Variants in KCNAB2 observed in about 807,000 individuals in gnomAD.
KCNAB2 encodes the protein potassium voltage-gated channel subfamily A regulatory beta subunit 2.
In KCNAB2, 29 loss-of-function variants were observed where a neutral mutation model predicts 63.6. The ratio of observed to expected loss-of-function variants is 0.46; its 90% CI spans 0.34 to 0.62. KCNAB2 has a LOEUF of 0.62. KCNAB2 is among the 20% of genes least tolerant of loss of function. The pLI, the probability that KCNAB2 is intolerant of heterozygous loss-of-function variation, is 0.01. For missense variants in KCNAB2, 359 were observed against 563.9 expected (o/e 0.64, Z 3.68); for synonymous variants, 222 against 224.2 (o/e 0.99, Z 0.09).
At chr1:6,021,232 A>C (rs1275918881) in intron 1 of KCNAB2, among the ~76,000 whole-genome samples, 1 of 152,124 alleles carries the variant, frequency 6.6e-6, no homozygotes, top group Non-Finnish European at 1.5e-5. Context: ...TCCTGGGCTC[A>C]AGCGATCCAC....
rs146167160 is a variant in KCNAB2 at position 6,084,621 on chromosome 1, G to A, written c.381-583G>A. 3.9e-5 allele frequency among the ~76,000 whole-genome samples: 6 copies of A among 152,280 alleles called. 1 individual carries two copies. In the South Asian group the frequency reaches 6.2e-4, roughly 16 times the overall value. On this transcript the variant is annotated intron_variant, in intron 5 of 15. Transcript: ENST00000378083. ...ACTCGAGATGAGGAGTTCGAGACCA[G>A]CCTGGCCAACATAGTGAAACCCCGT...
In KCNAB2 at chr1:6,099,842, G is replaced by A. The variant is rs1665912852; in HGVS notation, c.*1268G>A. On this transcript the variant is annotated 3_prime_UTR_variant, in exon 16 of 16. Coordinates refer to ENST00000378083, the MANE Select transcript of KCNAB2 (RefSeq NM_001199862.2). Reference sequence around the variant, plus strand: ...GGCTGGGCAGAGGGGAGAGAGGGCAGGACAGGCCAGAGTGACGCCCCCGTG... The same window carrying A: ...GGCTGGGCAGAGGGGAGAGAGGGCAAGACAGGCCAGAGTGACGCCCCCGTG... 6.5e-7 allele frequency: 1 copy of A among 1,544,994 alleles called. No individual in the cohort carries two copies. Among genetic ancestry groups the A allele is most frequent in the Non-Finnish European group, 8.7e-7 (1 of 1,144,096 alleles).
At chr1:6,083,932 C>T (rs1174292567) in intron 5 of KCNAB2, among the ~76,000 whole-genome samples, 2 of 152,246 alleles carry the variant, frequency 1.3e-5, no homozygotes, top group Admixed American at 6.5e-5. Flanking sequence ...TGCTCCTCTG[C>T]CCCAGAGATC....
At chr1:6,005,961 T>C (rs1336587933) in intron 1 of KCNAB2, among the ~76,000 whole-genome samples, 259 of 16,178 alleles carry the variant, frequency 0.016, 35 homozygotes, top group East Asian at 0.033. Context: ...AGCTCCTACA[T>C]TTCCCACTCC....
chr1:6,076,029 A>C (rs976612475), intron 4 of KCNAB2, among the ~76,000 whole-genome samples: 5 of 152,260 alleles, frequency 3.3e-5, no homozygotes, highest in African/African-American at 9.6e-5. Flanking sequence ...AGAGCTGAGT[A>C]ATTGCAACAG....
At chr1:6,001,328 ACACT>A (rs1204047130) in intron 1 of KCNAB2, among the ~76,000 whole-genome samples, 15 of 140,592 alleles carry the variant, frequency 1.1e-4, no homozygotes, top group Non-Finnish European at 1.7e-4. Flanking sequence ...ACACACACAC[ACACT>A]CTCCCAACAC....
intron 10 of KCNAB2, among the ~76,000 whole-genome samples, chr1:6,091,517 C>T (rs12743473): frequency 0.046 from 6,939 of 151,934 alleles, 225 homozygotes; most frequent in Middle Eastern, 0.095. Context: ...CCCATCCCCT[C>T]GTTCCTCCTT....
chr1:6,027,993 C>T (rs1455043039), intron 1 of KCNAB2, among the ~76,000 whole-genome samples: 3 of 152,222 alleles, frequency 2.0e-5, no homozygotes, highest in Admixed American at 2.0e-4. Context: ...ATGGAGCTGT[C>T]GGGGAACTGG....
intron 5 of KCNAB2, among the ~76,000 whole-genome samples, chr1:6,084,675 G>A (rs3789532): frequency 0.51 from 77,219 of 151,786 alleles, 20,319 homozygotes; most frequent in East Asian, 0.64. Context: ...AATTAGCCGG[G>A]CGTGGTGGCA....
chr1:6,045,222 G>A (rs1660817174), upstream of KCNAB2, among the ~76,000 whole-genome samples: 1 of 152,152 alleles, frequency 6.6e-6, no homozygotes, highest in African/African-American at 2.4e-5. This position sits in a 1 kb window ranked among gnomAD's most constrained non-coding sequence, Gnocchi z 4.8. Flanking sequence ...ATTCATCATG[G>A]GGGGACGGTT....
chr1:6,001,489 G>T (rs1046227187), intron 1 of KCNAB2, among the ~76,000 whole-genome samples: 5 of 152,148 alleles, frequency 3.3e-5, no homozygotes, highest in African/African-American at 1.2e-4. Context: ...TGATAATCAT[G>T]ATCACCGGTT....
At chr1:6,061,226 A>T (rs1662287835) in intron 2 of KCNAB2, among the ~76,000 whole-genome samples, 1 of 152,246 alleles carries the variant, frequency 6.6e-6, no homozygotes, top group South Asian at 2.1e-4. Context: ...TCTTATCAAC[A>T]GCAGGTACCG....
chr1:6,057,939 C>T (rs1318978350), intron 2 of KCNAB2, among the ~76,000 whole-genome samples: 1 of 152,114 alleles, frequency 6.6e-6, no homozygotes, highest in African/African-American at 2.4e-5. Flanking sequence ...TCACTTGAGT[C>T]CAGGGGTTCA....
intron 1 of KCNAB2, among the ~76,000 whole-genome samples, chr1:6,010,099 A>G (rs1365961776): frequency 6.7e-6 from 1 of 149,760 alleles, no homozygotes; most frequent in Non-Finnish European, 1.5e-5. Context: ...CTGGTCTCAA[A>G]CTCCTGGCCC....
intron 2 of KCNAB2, among the ~76,000 whole-genome samples, chr1:6,056,296 C>T (rs531238482): frequency 6.6e-6 from 1 of 152,244 alleles, no homozygotes; most frequent in South Asian, 2.1e-4. Flanking sequence ...CCACTCGCCT[C>T]GGCCTCCCAA....
chr1:6,084,281 C>T (rs1227150305), intron 5 of KCNAB2, among the ~76,000 whole-genome samples: 2 of 152,202 alleles, frequency 1.3e-5, no homozygotes, highest in South Asian at 2.1e-4. Context: ...CCCCAGCTGG[C>T]CTGGGTTTGG....
intron 9 of KCNAB2, 79 bp from the exon 10 acceptor site, chr1:6,091,184 C>A (rs945903406): frequency 2.9e-6 from 3 of 1,040,094 alleles, no homozygotes; most frequent in Non-Finnish European, 4.3e-6. Flanking sequence ...TGCCTCCCCG[C>A]TGTGCCTTCG....
chr1:6,004,885 C>G (rs1657467373), intron 1 of KCNAB2, among the ~76,000 whole-genome samples: 1 of 145,632 alleles, frequency 6.9e-6, no homozygotes, highest in Non-Finnish European at 1.5e-5. Flanking sequence ...CCTCATCAGA[C>G]AGTTCCTTCC....
intron 5 of KCNAB2, 53 bp from the exon 6 acceptor site, chr1:6,085,151 G>A: frequency 6.2e-7 from 1 of 1,601,286 alleles, no homozygotes; most frequent in African/African-American, 1.3e-5. Flanking sequence ...CAGTGGGTCT[G>A]GGTTTGATTT....
Sources: allele counts gnomAD v4.1 joint callset (sites outside exome capture counted in the v4.1 genomes callset), GRCh38; gene constraint gnomAD v4.1.1; non-coding constraint Gnocchi (gnomAD v3.1); transcripts MANE v1.5; gene names NCBI Gene and HGNC (gene_info 2026-07-23, HGNC 2026-07-21).